The following HECW1 variants were observed in gnomAD, a reference collection of about 807,000 sequenced individuals.
HECW1 encodes E3 ubiquitin-protein ligase HECW1.
HECW1 carries 61 observed loss-of-function variants against 182.3 expected under a neutral mutation model. The ratio of observed to expected loss-of-function variants is 0.33; its 90% CI spans 0.27 to 0.41. The LOEUF is 0.41. Ranked by LOEUF, HECW1 falls within the 10% of genes least tolerant of loss-of-function variation. HECW1 has a pLI of 1.00. For missense variants in HECW1, 1,739 were observed against 2,108.9 expected, an observed-to-expected ratio of 0.82 and a Z score of 3.44; for synonymous variants, 859 against 832.6, an observed-to-expected ratio of 1.03 and a Z score of -0.55.
Position 43,409,809 on chromosome 7 carries a change from C to T in HECW1, c.801+2078C>T, listed in dbSNP as rs564335400. ...TGTTGCTGCAAAACTGTCCATTCAA[C>T]CCCTAAATTGTACTACAGTTCCCAG... On this transcript the variant is annotated intron_variant, in intron 8 of 29. Transcript: ENST00000395891. Among the ~76,000 whole-genome samples the T allele has an allele frequency of 1.2e-4, 19 of 152,294 alleles. No individual in the cohort carries two copies. In the South Asian group the frequency reaches 3.9e-3, roughly 32 times the overall value.
chr7:43,364,049 G>A (rs1320139715), intron 6 of HECW1, among the ~76,000 whole-genome samples: 8 of 152,160 alleles, frequency 5.3e-5, no homozygotes, highest in Non-Finnish European at 1.0e-4. Flanking sequence ...TCTAGGTTGA[G>A]GATTGCTGCT....
intron 3 of HECW1, among the ~76,000 whole-genome samples, chr7:43,260,663 G>T (rs1328276704): frequency 6.6e-6 from 1 of 152,136 alleles, no homozygotes; most frequent in Non-Finnish European, 1.5e-5. Context: ...CTAGTTGATG[G>T]TATCTGTGAA....
chr7:43,128,772 A>G (rs1002231842), intron 2 of HECW1, among the ~76,000 whole-genome samples: 4 of 152,214 alleles, frequency 2.6e-5, no homozygotes, highest in African/African-American at 9.6e-5. Flanking sequence ...TGCCATTAAG[A>G]ACACTTGAGG....
chr7:43,565,167 CAGG>C lies in HECW1; in HGVS notation c.*3244_*3246del, dbSNP rs1261627864. The stretch of plus-strand genomic sequence containing the variant: ...AAAATGGAAATTGATTCTGTGAGGT[CAGG>C]AGAAGTATTCTAAATCTACTGAACT... On this transcript the variant is annotated 3_prime_UTR_variant, in exon 30 of 30. Coordinates refer to ENST00000395891, the MANE Select transcript of HECW1 (RefSeq NM_015052.5). The C allele has an allele frequency of 5.0e-6, 1 of 201,860 alleles. No homozygotes were observed. The highest frequency in any genetic ancestry group is 1.0e-5 in the Non-Finnish European group (1 of 98,284). 12.5% of individuals were successfully genotyped at this position (201,860 alleles called of 1,614,324 possible).
chr7:43,532,972 A>G (rs1375671259), intron 24 of HECW1, among the ~76,000 whole-genome samples: 1 of 152,202 alleles, frequency 6.6e-6, no homozygotes, highest in Non-Finnish European at 1.5e-5. Flanking sequence ...GTTAGAAAGG[A>G]GTATATCATC....
At chr7:43,121,985 C>T (rs114125656) in intron 2 of HECW1, 16 of 152,300 alleles carry the variant, frequency 1.1e-4, no homozygotes, top group African/African-American at 3.6e-4. Context: ...GAATGCTATA[C>T]GCCATGTTGT....
chr7:43,263,325 G>A (rs1374146606), intron 3 of HECW1, among the ~76,000 whole-genome samples: 3 of 152,126 alleles, frequency 2.0e-5, no homozygotes, highest in African/African-American at 4.8e-5. Flanking sequence ...TGCAGAACAA[G>A]CCATGGAATT....
intron 6 of HECW1, among the ~76,000 whole-genome samples, chr7:43,363,936 A>C (rs1025784304): frequency 6.6e-6 from 1 of 152,166 alleles, no homozygotes. Flanking sequence ...CGGGTTAAAT[A>C]AGCCTTTGCA....
At chr7:43,483,457 C>T (rs1029956567) in intron 17 of HECW1, among the ~76,000 whole-genome samples, 5 of 151,834 alleles carry the variant, frequency 3.3e-5, no homozygotes, top group African/African-American at 1.2e-4. Flanking sequence ...CATTATTTTA[C>T]AGTCCAGTAA....
At chr7:43,403,361 T>G (rs1230000678) in intron 7 of HECW1, among the ~76,000 whole-genome samples, 1 of 152,158 alleles carries the variant, frequency 6.6e-6, no homozygotes, top group African/African-American at 2.4e-5. Context: ...GGCAGCAAGT[T>G]CTGGGAAGGC....
At chr7:43,171,574 C>T (rs73099618) in intron 2 of HECW1, among the ~76,000 whole-genome samples, 6,706 of 152,192 alleles carry the variant, frequency 0.044, 200 homozygotes, top group Middle Eastern at 0.082. Context: ...CTCTTAAAAA[C>T]CATTTCAATA....
At chr7:43,219,634 T>C (rs957619386) in intron 2 of HECW1, among the ~76,000 whole-genome samples, 3 of 150,724 alleles carry the variant, frequency 2.0e-5, no homozygotes, top group African/African-American at 7.4e-5. Context: ...CACCAATAAT[T>C]AGAATAGAAC....
chr7:43,126,710 C>T lies in HECW1; in HGVS notation c.-32+12319C>T, dbSNP rs146773554. On this transcript the variant is annotated intron_variant, in intron 2 of 29. Transcript: ENST00000395891. ...AGTCTATCGGTGCCATTTTTTCCAACAGCATGTGCTCACTTAGTTTCCTTG... is the reference window on the plus strand; with the variant it reads ...AGTCTATCGGTGCCATTTTTTCCAATAGCATGTGCTCACTTAGTTTCCTTG... 3.9e-5 allele frequency among the ~76,000 whole-genome samples: 6 copies of T among 152,324 alleles called. No homozygotes were observed. The East Asian group carries it at 1.2e-3, about 29-fold the overall frequency.
At chr7:43,538,324 T>C (rs935517181) in intron 24 of HECW1, among the ~76,000 whole-genome samples, 19 of 152,212 alleles carry the variant, frequency 1.2e-4, no homozygotes, top group African/African-American at 4.3e-4. Context: ...TTCCTGACCC[T>C]GGATTCCTTG....
At chr7:43,362,326 G>A (rs1362253911) in intron 6 of HECW1, among the ~76,000 whole-genome samples, 1 of 152,204 alleles carries the variant, frequency 6.6e-6, no homozygotes, top group South Asian at 2.1e-4. Flanking sequence ...CCAAAGCCTG[G>A]CTGCCTCCAT....
chr7:43,397,325 T>G (rs1488896992), intron 7 of HECW1, among the ~76,000 whole-genome samples: 1 of 152,238 alleles, frequency 6.6e-6, no homozygotes, highest in Non-Finnish European at 1.5e-5. Flanking sequence ...GGAATCCAAT[T>G]AAGTCTGTTA....
chr7:43,185,109 C>T (rs1383417896), intron 2 of HECW1, among the ~76,000 whole-genome samples: 1 of 151,968 alleles, frequency 6.6e-6, no homozygotes, highest in Non-Finnish European at 1.5e-5. Flanking sequence ...TATCAATGCC[C>T]GTGTAGTGAA....
At position 43,396,847 on chromosome 7, in the gene HECW1, C is replaced by G. The variant is rs755329283; in HGVS notation, c.589C>G (p.Gln197Glu). 3.1e-6 allele frequency: 5 copies of G among 1,612,954 alleles called. No homozygotes were observed. Among genetic ancestry groups the G allele is most frequent in the Non-Finnish European group, 4.2e-6 (5 of 1,179,734 alleles). ...AAGCATTGGTGCTGATGAGACCGTCCAAGGACAAGGAAGTCGGAGGCTGAT... is the reference window on the plus strand; with the variant it reads ...AAGCATTGGTGCTGATGAGACCGTCGAAGGACAAGGAAGTCGGAGGCTGAT... ...FKSIGADETV[Q>E]GQGSRRLISF... Residue 197 changes from glutamine to glutamate, a missense_variant, in exon 7 of 30, where the codon CAA becomes GAA. By Grantham distance (29) the Gln-to-Glu change is conservative. Around this residue, in one of 5 missense-constraint regions of HECW1, gnomAD observed 279 missense variants for 353.1 expected, o/e 0.79. Transcript: ENST00000395891.
intron 5 of HECW1, among the ~76,000 whole-genome samples, chr7:43,331,776 T>G (rs1811525196): frequency 6.6e-6 from 1 of 152,174 alleles, no homozygotes; most frequent in Non-Finnish European, 1.5e-5. Context: ...CTGAGCATCA[T>G]GGCAGCTTGC....
Sources: allele counts gnomAD v4.1 joint callset (sites outside exome capture counted in the v4.1 genomes callset), GRCh38; gene constraint gnomAD v4.1.1; regional missense constraint gnomAD v4.1.1; transcripts MANE v1.5; gene names NCBI Gene and HGNC (gene_info 2026-07-23, HGNC 2026-07-21).